The following ACTR3C variants were observed in gnomAD, a reference collection of about 807,000 sequenced individuals.
ACTR3C encodes actin related protein 3C.
A neutral mutation model predicts 26.3 loss-of-function variants in ACTR3C; 18 were observed. The observed-to-expected ratio is 0.68, with a 90% CI of 0.47 to 1.01. The LOEUF is 1.01. Ranked by LOEUF, ACTR3C falls within the 50% of genes least tolerant of loss-of-function variation. ACTR3C has a pLI of 0.00. For synonymous variants in ACTR3C, 55 were observed against 94.5 expected (o/e 0.58, Z 2.42); for missense variants, 184 against 250.7 (o/e 0.73, Z 1.80).
the ACTR3C span, among the ~76,000 whole-genome samples, chr7:150,147,462 A>G: frequency 6.6e-6 from 1 of 152,186 alleles, no homozygotes; most frequent in Admixed American, 6.5e-5. Flanking sequence ...ATAGAGATAA[A>G]ATATGCATAT....
At chr7:149,953,958 C>A in the ACTR3C span, among the ~76,000 whole-genome samples, 177 of 139,906 alleles carry the variant, frequency 1.3e-3, no homozygotes, top group African/African-American at 4.6e-3. Flanking sequence ...GTGTCCAATT[C>A]TGAACTTCAT....
the ACTR3C span, among the ~76,000 whole-genome samples, chr7:150,035,538 C>G: frequency 2.7e-3 from 336 of 125,894 alleles, no homozygotes; most frequent in African/African-American, 5.4e-3. Context: ...GGGTGCCTCC[C>G]CCTCCTGCGA....
the ACTR3C span, among the ~76,000 whole-genome samples, chr7:150,232,388 T>G: frequency 6.6e-6 from 1 of 152,264 alleles, no homozygotes; most frequent in East Asian, 1.9e-4. Flanking sequence ...TAGGTTAATA[T>G]CCACCATATT....
chr7:150,202,982 G>A, the ACTR3C span, among the ~76,000 whole-genome samples: 4 of 152,176 alleles, frequency 2.6e-5, no homozygotes, highest in East Asian at 1.9e-4. Context: ...CACTAAGACC[G>A]TTTTCACGAA....
the ACTR3C span, among the ~76,000 whole-genome samples, chr7:150,198,399 G>A: frequency 2.7e-5 from 4 of 147,126 alleles, no homozygotes; most frequent in Non-Finnish European, 6.0e-5. Flanking sequence ...AGGAAGTGAG[G>A]AGCGCCTCTT....
chr7:150,015,586 T>C, the ACTR3C span, among the ~76,000 whole-genome samples: 1 of 152,030 alleles, frequency 6.6e-6, no homozygotes, highest in African/African-American at 2.4e-5. Context: ...TTTCTGGAGG[T>C]TTTGACATGT....
the ACTR3C span, among the ~76,000 whole-genome samples, chr7:150,179,223 A>G: frequency 7.0e-6 from 1 of 143,794 alleles, no homozygotes; most frequent in Admixed American, 6.6e-5. Context: ...TTCCTTTTAT[A>G]AAAGAAAATC....
At chr7:150,300,668 CT>C in intron 1 of ACTR3C, among the ~76,000 whole-genome samples, 1 of 150,626 alleles carries the variant, frequency 6.6e-6, no homozygotes, top group East Asian at 1.9e-4. Context: ...GTTTTAGTCA[CT>C]GTAATTAGAA....
the ACTR3C span, among the ~76,000 whole-genome samples, chr7:150,110,429 GC>G: frequency 1.9e-4 from 26 of 138,986 alleles, no homozygotes; most frequent in East Asian, 2.1e-4. Flanking sequence ...AAGGCTGGAA[GC>G]AGGTGGGGCT....
At chr7:150,009,488 G>A in the ACTR3C span, among the ~76,000 whole-genome samples, 6 of 152,342 alleles carry the variant, frequency 3.9e-5, no homozygotes, top group African/African-American at 1.4e-4. Flanking sequence ...ATACATGTGT[G>A]TCTATATGTC....
chr7:150,215,696 C>T, the ACTR3C span, among the ~76,000 whole-genome samples: 1 of 151,632 alleles, frequency 6.6e-6, no homozygotes, highest in African/African-American at 2.4e-5. Flanking sequence ...TTGATCTCTA[C>T]CCTCAGACAA....
At chr7:150,150,870 C>CA in the ACTR3C span, among the ~76,000 whole-genome samples, 1 of 136,642 alleles carries the variant, frequency 7.3e-6, no homozygotes, top group Admixed American at 7.5e-5. Flanking sequence ...ATACTGATTT[C>CA]AAACTTGCTT....
chr7:150,071,093 A>C, the ACTR3C span, among the ~76,000 whole-genome samples: 1 of 143,984 alleles, frequency 6.9e-6, no homozygotes, highest in East Asian at 2.2e-4. Flanking sequence ...CATGCCCAGC[A>C]CAAAATTGCT....
chr7:150,294,968 A>C lies in ACTR3C; in HGVS notation c.45+284T>G, dbSNP rs1413762664. Among the ~76,000 whole-genome samples the C allele has an allele frequency of 4.6e-5, 7 of 152,060 alleles. No individual in the cohort carries two copies. The East Asian group carries it at 5.8e-4, about 13-fold the overall frequency. On this transcript the variant is annotated intron_variant, in intron 2 of 7. Coordinates refer to ENST00000683684, the MANE Select transcript of ACTR3C (RefSeq NM_001164458.2). ...TCAAAGTCAAAGATGCCAAAAGAAG[A>C]AGCACATCTACACCTATATCTTGTC...
chr7:150,174,167 T>G, the ACTR3C span, among the ~76,000 whole-genome samples: 1 of 139,496 alleles, frequency 7.2e-6, no homozygotes, highest in East Asian at 2.0e-4. Context: ...TGCATTAGTT[T>G]GTTTTCATGC....
chr7:150,316,549 G>C (rs556804446), intron 1 of ACTR3C, among the ~76,000 whole-genome samples: 1 of 141,940 alleles, frequency 7.0e-6, no homozygotes, highest in South Asian at 2.3e-4. Context: ...GCAGTGGCGC[G>C]ATCTCAGCTC....
rs1797787534 is a variant in ACTR3C at position 150,323,476 on chromosome 7, G to C, written c.-59C>G. 1 of 408,244 alleles carries C rather than the reference G, an allele frequency of 2.4e-6. No homozygotes were observed. Among genetic ancestry groups the C allele is most frequent in the African/African-American group, 2.2e-5 (1 of 45,146 alleles). The allele number at this position is 408,244 out of a possible 1,614,324, so 25.3% of individuals were successfully genotyped here. A position where few individuals can be genotyped will look rare whatever the true frequency, so the allele number is the denominator to read the frequency against. On this transcript the variant is annotated 5_prime_UTR_variant, in exon 1 of 8. Transcript: ENST00000683684. ...CGGGGCTGCGGCTCTTACCTGCCGA[G>C]GAGGCGCCGGCTCTGCGGTGCGGAG...
chr7:149,922,278 C>G, the ACTR3C span, among the ~76,000 whole-genome samples: 2 of 139,070 alleles, frequency 1.4e-5, no homozygotes, highest in Admixed American at 7.8e-5. Context: ...AGGGGAAATG[C>G]CTTATCTTAG....
chr7:150,181,820 C>T, the ACTR3C span, among the ~76,000 whole-genome samples: 2 of 150,508 alleles, frequency 1.3e-5, no homozygotes, highest in Non-Finnish European at 2.9e-5. Context: ...GAGATTACCC[C>T]TACAAAATAC....
Sources: allele counts gnomAD v4.1 joint callset (sites outside exome capture counted in the v4.1 genomes callset), GRCh38; gene constraint gnomAD v4.1.1; transcripts MANE v1.5; gene names NCBI Gene and HGNC (gene_info 2026-07-23, HGNC 2026-07-21).